The following TET3 variants were observed in gnomAD, a reference collection of about 807,000 sequenced individuals.
The protein encoded by TET3 is methylcytosine dioxygenase TET3.
Under a neutral mutation model 141.4 loss-of-function variants are expected in TET3, and 19 were observed. The observed-to-expected ratio is 0.13, with a 90% CI of 0.09 to 0.20. The LOEUF (loss-of-function observed/expected upper bound fraction) is 0.20, where lower values mean the gene tolerates loss of function less well. Ranked by LOEUF, TET3 falls within the 10% of genes least tolerant of loss-of-function variation. The probability of loss-of-function intolerance (pLI) is 1.00; values close to 1 mark genes in which losing one functional copy is unlikely to be tolerated. For missense variants in TET3, 1,874 were observed against 2,356.9 expected, an observed-to-expected ratio of 0.80 and a Z score of 4.24; for synonymous variants, 1,043 against 980.9, an observed-to-expected ratio of 1.06 and a Z score of -1.18.
intron 4 of TET3, among the ~76,000 whole-genome samples, chr2:74,064,007 G>A (rs138749048): frequency 3.9e-5 from 6 of 152,174 alleles, no homozygotes; most frequent in African/African-American, 1.4e-4. Context: ...AAGTAAGAAA[G>A]CCAGGATAAT....
chr2:74,107,735 C>T lies in TET3; in HGVS notation c.*5559C>T, dbSNP rs1181710024. Reference sequence around the variant, plus strand: ...TTACTTGGCTTCCAATGGAGGTGAACTTAACAACCATACTTGAATATTCCG... The same window carrying T: ...TTACTTGGCTTCCAATGGAGGTGAATTTAACAACCATACTTGAATATTCCG... On this transcript the variant is annotated 3_prime_UTR_variant, in exon 12 of 12. Transcript: ENST00000409262. The T allele has an allele frequency of 6.6e-6, 1 of 152,096 alleles. No individual in the cohort carries two copies. The highest frequency in any genetic ancestry group is 1.5e-5 in the Non-Finnish European group (1 of 68,020). 9.4% of individuals were successfully genotyped at this position (152,096 alleles called of 1,614,324 possible). A position where few individuals can be genotyped will look rare whatever the true frequency, so the allele number is the denominator to read the frequency against.
chr2:74,102,379 C>A lies in TET3; in HGVS notation c.*203C>A. The stretch of plus-strand genomic sequence containing the variant: ...CCCTCCCTTACCCCCACTTCCCCAG[C>A]ACTTTGAAGAAGAAACTACGGCTGT... On this transcript the variant is annotated 3_prime_UTR_variant, in exon 12 of 12. Coordinates refer to ENST00000409262, the MANE Select transcript of TET3 (RefSeq NM_001287491.2). 1 of 723,582 alleles carries A rather than the reference C, an allele frequency of 1.4e-6. No homozygotes were observed. Among genetic ancestry groups the A allele is most frequent in the Non-Finnish European group, 1.9e-6 (1 of 529,146 alleles). The allele number at this position is 723,582 out of a possible 1,614,324, so 44.8% of individuals were successfully genotyped here. A position where few individuals can be genotyped will look rare whatever the true frequency, so the allele number is the denominator to read the frequency against.
At chr2:74,035,234 G>C (rs184763329) in intron 3 of TET3, among the ~76,000 whole-genome samples, 1 of 148,102 alleles carries the variant, frequency 6.8e-6, no homozygotes, top group Non-Finnish European at 1.5e-5. Context: ...TATTGGGGCC[G>C]GGCATGGTGG....
chr2:74,076,444 T>G (rs939791224), intron 5 of TET3, among the ~76,000 whole-genome samples: 1 of 62,164 alleles, frequency 1.6e-5, no homozygotes, highest in Admixed American at 1.4e-4. Context: ...CCTCTGGGTT[T>G]TTTTTTTTTT....
In TET3 at chr2:74,036,329, G is replaced by A. The variant is rs534716643; in HGVS notation, c.361-9949G>A. Among the ~76,000 whole-genome samples the A allele has an allele frequency of 3.3e-5, 5 of 152,234 alleles. No homozygotes were observed. In the East Asian group the frequency reaches 9.6e-4, roughly 29 times the overall value. ...TGGAATCTTCTTGTGATCTTCTTTT[G>A]TATTTTTCTGATTACTGATGATACT... On this transcript the variant is annotated intron_variant, in intron 3 of 11. Coordinates refer to ENST00000409262, the MANE Select transcript of TET3 (RefSeq NM_001287491.2).
At chr2:73,998,812 A>G (rs1016226326) in intron 2 of TET3, among the ~76,000 whole-genome samples, 2 of 151,878 alleles carry the variant, frequency 1.3e-5, no homozygotes, top group Admixed American at 1.3e-4. Context: ...TTTTTTTGGC[A>G]GGATCCTTTG....
intron 4 of TET3, among the ~76,000 whole-genome samples, chr2:74,049,952 G>A (rs998049280): frequency 3.3e-5 from 5 of 152,000 alleles, no homozygotes; most frequent in Non-Finnish European, 7.4e-5. Flanking sequence ...TGACTTCGAG[G>A]GCCCTCTTAT....
In TET3 at chr2:74,003,183, C is replaced by T. The variant is rs2105145836; in HGVS notation, c.360+17C>T. 7.1e-6 allele frequency: 11 copies of T among 1,549,162 alleles called. No homozygotes were observed. Among genetic ancestry groups the T allele is most frequent in the African/African-American group, 1.4e-5 (1 of 72,834 alleles). On this transcript the variant is annotated intron_variant, in intron 3 of 11. Coordinates refer to ENST00000409262, the MANE Select transcript of TET3 (RefSeq NM_001287491.2). ...GCTGTCAAGGTACCTTGTGTGTGTG[C>T]GTGCGTGTGTGTGCGTGTGTGTGGT...
intron 6 of TET3, among the ~76,000 whole-genome samples, chr2:74,083,446 C>T (rs1216146423): frequency 6.6e-6 from 1 of 152,162 alleles, no homozygotes; most frequent in Non-Finnish European, 1.5e-5. Flanking sequence ...GTGGTGGGAG[C>T]TGTGGGAAGA....
At chr2:73,994,602 C>T (rs1684486331) in intron 2 of TET3, among the ~76,000 whole-genome samples, 1 of 148,964 alleles carries the variant, frequency 6.7e-6, no homozygotes, top group African/African-American at 2.5e-5. Flanking sequence ...AGTATATTAT[C>T]AGGTCTATTT....
chr2:74,024,423 T>C (rs949972922), intron 3 of TET3, among the ~76,000 whole-genome samples: 3 of 152,146 alleles, frequency 2.0e-5, no homozygotes, highest in Non-Finnish European at 2.9e-5. Flanking sequence ...TCCCAGGCAC[T>C]CTGTTTCTCC....
At chr2:74,001,928 A>T (rs1684867312) in intron 2 of TET3, among the ~76,000 whole-genome samples, 1 of 151,432 alleles carries the variant, frequency 6.6e-6, no homozygotes. Context: ...GTTGGTGGGG[A>T]GGCTGTCTTG....
intron 4 of TET3, among the ~76,000 whole-genome samples, chr2:74,072,310 C>T (rs767908865): frequency 2.5e-4 from 38 of 152,182 alleles, no homozygotes; most frequent in Admixed American, 1.5e-3. Context: ...GTCAGGAGTT[C>T]GAGACCAGCC....
intron 2 of TET3, among the ~76,000 whole-genome samples, chr2:73,989,577 G>T (rs961619438): frequency 1.8e-4 from 27 of 152,160 alleles, no homozygotes; most frequent in Non-Finnish European, 3.2e-4. Flanking sequence ...CCTCAGAAAA[G>T]AAGTTCAGCA....
chr2:74,088,494 A>T (rs1267606744), intron 7 of TET3, among the ~76,000 whole-genome samples: 1 of 152,020 alleles, frequency 6.6e-6, no homozygotes, highest in Non-Finnish European at 1.5e-5. Flanking sequence ...TAAAAAAATT[A>T]GTCAGGCGTG....
At chr2:74,078,449 T>G (rs1345821934) in intron 5 of TET3, among the ~76,000 whole-genome samples, 4 of 152,242 alleles carry the variant, frequency 2.6e-5, no homozygotes, top group Non-Finnish European at 2.9e-5. Context: ...ACTTAATTTC[T>G]TTCCATGTCA....
chr2:74,029,557 TATACTC>T (rs982452180), intron 3 of TET3, among the ~76,000 whole-genome samples: 5 of 152,240 alleles, frequency 3.3e-5, no homozygotes, highest in East Asian at 1.9e-4. Context: ...AAACCACTGA[TATACTC>T]AGTCATCCCA....
At position 74,046,333 on chromosome 2, in the gene TET3, G is replaced by A; in HGVS notation, c.416G>A (p.Gly139Glu). The stretch of plus-strand genomic sequence containing the variant: ...CCTGTTCCAGGTCAGATGGACTCAG[G>A]GCCAGTGTACCATGGGGACTCACGG... ...DGPVPGQMDS[G>E]PVYHGDSRQL... is the part of the protein sequence containing the mutation. The change falls in exon 4 of 12, where the codon GGG becomes GAG. Residue 139 changes from glycine to glutamate, a missense_variant. Gly to Glu is a moderately conservative substitution (Grantham distance 98, BLOSUM62 -2). Around this residue, in one of 10 missense-constraint regions of TET3, gnomAD observed 366 missense variants for 487.0 expected, o/e 0.75. Coordinates refer to ENST00000409262, the MANE Select transcript of TET3 (RefSeq NM_001287491.2). The surrounding 1 kb of genome is among the most constrained non-coding windows in gnomAD (Gnocchi z 4.3). 9 of 1,521,892 alleles carry A rather than the reference G, an allele frequency of 5.9e-6. No individual in the cohort carries two copies. Among genetic ancestry groups the A allele is most frequent in the South Asian group, 1.3e-5 (1 of 75,190 alleles). 94.3% of individuals were successfully genotyped at this position (1,521,892 alleles called of 1,614,324 possible). A position where few individuals can be genotyped will look rare whatever the true frequency, so the allele number is the denominator to read the frequency against.
chr2:74,104,695 T>C lies in TET3; in HGVS notation c.*2519T>C, dbSNP rs1453310460. 4 of 153,280 alleles carry C rather than the reference T, an allele frequency of 2.6e-5. 1 individual carries two copies. The highest frequency in any genetic ancestry group is 2.0e-4 in the Admixed American group (3 of 15,300). 9.5% of individuals were successfully genotyped at this position (153,280 alleles called of 1,614,324 possible). On this transcript the variant is annotated 3_prime_UTR_variant, in exon 12 of 12. Coordinates refer to ENST00000409262, the MANE Select transcript of TET3 (RefSeq NM_001287491.2). Reference sequence around the variant, plus strand: ...GGCATGTGTGAATCTTCCTGATGTATGTTAAATAAACTCTTCCCCTCATCA... The same window carrying C: ...GGCATGTGTGAATCTTCCTGATGTACGTTAAATAAACTCTTCCCCTCATCA...
Sources: allele counts gnomAD v4.1 joint callset (sites outside exome capture counted in the v4.1 genomes callset), GRCh38; gene constraint gnomAD v4.1.1; regional missense constraint gnomAD v4.1.1; non-coding constraint Gnocchi (gnomAD v3.1); transcripts MANE v1.5; gene names NCBI Gene and HGNC (gene_info 2026-07-23, HGNC 2026-07-21).